DMD: variants seen among roughly 807,000 people sequenced by gnomAD.
DMD encodes dystrophin, also known as mutant dystrophin.
Under a neutral mutation model 330.1 loss-of-function variants are expected in DMD, and 63 were observed. The observed-to-expected ratio is 0.19, with a 90% CI of 0.16 to 0.24. DMD has a LOEUF of 0.24. Ranked by LOEUF, DMD falls within the 10% of genes least tolerant of loss-of-function variation. The probability of loss-of-function intolerance (pLI) is 1.00; values close to 1 mark genes in which losing one functional copy is unlikely to be tolerated. For missense variants in DMD, 3,344 were observed against 2,684.1 expected, an observed-to-expected ratio of 1.25 and a Z score of -5.43; for synonymous variants, 1,223 against 959.8, an observed-to-expected ratio of 1.27 and a Z score of -5.07.
At position 31,262,567 on chromosome X, in the gene DMD, T is replaced by A. The variant is rs989421622; in HGVS notation, c.9225-1551A>T. Among the ~76,000 whole-genome samples, 6 of 112,509 alleles carry A rather than the reference T, an allele frequency of 5.3e-5. No homozygotes were observed. In the Admixed American group the frequency reaches 5.6e-4, roughly 11 times the overall value. On this transcript the variant is annotated intron_variant, in intron 62 of 78. Transcript: ENST00000357033. The stretch of plus-strand genomic sequence containing the variant: ...TGCAAGAAAATGTTCACTTGTGAAG[T>A]GCTGTTTCACTGTCTTCCAAATACG...
intron 7 of DMD, among the ~76,000 whole-genome samples, chrX:32,807,139 AAAAAAAAAAAC>A (rs1569525879): frequency 9.6e-6 from 1 of 104,475 alleles, no homozygotes; most frequent in African/African-American, 3.6e-5. Flanking sequence ...AAAAAAAAAA[AAAAAAAAAAAC>A]ATCAACAAAT....
intron 53 of DMD, among the ~76,000 whole-genome samples, chrX:31,664,338 T>C (rs903843333): frequency 9.0e-6 from 1 of 111,462 alleles, no homozygotes; most frequent in Non-Finnish European, 1.9e-5. Flanking sequence ...CTTATTGCTA[T>C]ATGCCACTCA....
intron 51 of DMD, among the ~76,000 whole-genome samples, chrX:31,737,535 G>A (rs1024637380): frequency 9.0e-6 from 1 of 111,498 alleles, no homozygotes; most frequent in African/African-American, 3.3e-5. Context: ...TGTGAGTAAA[G>A]GAACCTAGCC....
At chrX:32,894,447 T>C (rs2085513732) in intron 2 of DMD, among the ~76,000 whole-genome samples, 3 of 112,692 alleles carry the variant, frequency 2.7e-5, no homozygotes. Context: ...GTGGTAGTGA[T>C]GGCGGCGGTG....
In DMD at chrX:32,192,871, T is replaced by G. The variant is rs73619033; in HGVS notation, c.6438+24045A>C. Among the ~76,000 whole-genome samples, 757 of 112,358 alleles carry G rather than the reference T, an allele frequency of 6.7e-3. 4 individuals are homozygous for G. The highest frequency in any genetic ancestry group is 0.023 in the African/African-American group (722 of 30,952). ...CTGTTACTGTTAACTTTTATTTTTC[T>G]GATTAAACATGGATATCATTTGGAT... On this transcript the variant is annotated intron_variant, in intron 44 of 78. Transcript: ENST00000357033.
chrX:32,671,091 T>C (rs2061605337), intron 9 of DMD, among the ~76,000 whole-genome samples: 1 of 110,987 alleles, frequency 9.0e-6, no homozygotes, highest in African/African-American at 3.3e-5. Flanking sequence ...CAGCTACAAG[T>C]GGGTCGGTAC....
At chrX:33,235,688 G>T (rs191894412) in intron 1 of DMD, among the ~76,000 whole-genome samples, 2 of 109,976 alleles carry the variant, frequency 1.8e-5, no homozygotes, top group African/African-American at 3.3e-5. Context: ...CCTCAAGGTT[G>T]CTCAAGGTCA....
Position 32,816,603 on chromosome X carries a change from T to C in DMD, c.395A>G (p.Gln132Arg), listed in dbSNP as rs751455994. Residue 132 changes from glutamine (Q) to arginine (R), a missense_variant, in exon 6 of 79, where the codon CAA becomes CGA. Coordinates refer to ENST00000357033, the MANE Select transcript of DMD (RefSeq NM_004006.3). ...NVMKNIMAGL[Q>R]QTNSEKILLS... ...GAGAATCTTTTCACTGTTGGTTTGT[T>C]GCAATCCAGCCATGATATTTTTCAT... The C allele has an allele frequency of 3.0e-5, 36 of 1,210,036 alleles. No homozygotes were observed. The highest frequency in any genetic ancestry group is 3.7e-5 in the Non-Finnish European group (33 of 895,122).
In DMD at chrX:32,041,163, A is replaced by G. The variant is rs147456815; in HGVS notation, c.6439-72649T>C. On this transcript the variant is annotated intron_variant, in intron 44 of 78. Transcript: ENST00000357033. ...GATTAATCTTGCATTTCCCGGATGC[A>G]TTTTCCCCAAGTTGGAGTGTAAGCC... Among the ~76,000 whole-genome samples, 287 of 112,478 alleles carry G rather than the reference A, an allele frequency of 2.6e-3. 1 individual carries two copies. The highest frequency in any genetic ancestry group is 8.8e-3 in the African/African-American group (273 of 30,986).
At chrX:31,810,143 G>C (rs183006717) in intron 50 of DMD, among the ~76,000 whole-genome samples, 213 of 111,658 alleles carry the variant, frequency 1.9e-3, no homozygotes, top group African/African-American at 6.4e-3. Context: ...TGTAAACGTA[G>C]GAAAAGGGTA....
chrX:31,760,550 T>C (rs777969162), intron 51 of DMD, among the ~76,000 whole-genome samples: 1 of 112,243 alleles, frequency 8.9e-6, no homozygotes, highest in East Asian at 2.8e-4. Flanking sequence ...TACTGGTTTA[T>C]AGCCTAGGAG....
At chrX:31,329,969 CAAAAAAAAAAAAA>C (rs142353794) in intron 61 of DMD, among the ~76,000 whole-genome samples, 35 of 12,889 alleles carry the variant, frequency 2.7e-3, no homozygotes, top group Non-Finnish European at 4.0e-3. Context: ...GATTCCATCT[CAAAAAAAAAAAAA>C]AAAAAAAAAA....
rs148186668 is a variant in DMD, at chrX:32,163,726, T to G, written c.6438+53190A>C. On this transcript the variant is annotated intron_variant, in intron 44 of 78. Transcript: ENST00000357033. ...CTGGTTTTTATATTGTGCATAGCTA[T>G]GTAAGATGTGAGATCTGAATAAAGC... Among the ~76,000 whole-genome samples the G allele has an allele frequency of 3.4e-3, 376 of 111,634 alleles. 1 individual carries two copies. The highest frequency in any genetic ancestry group is 0.011 in the African/African-American group (346 of 30,722).
intron 43 of DMD, among the ~76,000 whole-genome samples, chrX:32,233,932 G>C (rs755485578): frequency 2.6e-4 from 29 of 110,899 alleles, no homozygotes; most frequent in Non-Finnish European, 3.4e-4. Flanking sequence ...ACCCAGCCCG[G>C]TACAATTTCT....
intron 44 of DMD, among the ~76,000 whole-genome samples, chrX:32,025,355 G>A: frequency 9.0e-6 from 1 of 111,700 alleles, no homozygotes; most frequent in Non-Finnish European, 1.9e-5. Context: ...GCCGCATGCG[G>A]CTTTTGAAAT....
At chrX:31,169,654 G>T (rs2039792938) in intron 73 of DMD, 53 bp from the exon 74 acceptor site, 1 of 1,063,609 alleles carries the variant, frequency 9.4e-7, no homozygotes, top group Admixed American at 2.5e-5. Context: ...TTTTGCTTTG[G>T]GGGTTAGGGA....
At chrX:31,228,211 C>G (rs1227473782) in intron 63 of DMD, among the ~76,000 whole-genome samples, 2 of 98,885 alleles carry the variant, frequency 2.0e-5, no homozygotes, top group Non-Finnish European at 4.0e-5. Context: ...ACATATGTAA[C>G]TAACCTGCAC....
intron 54 of DMD, among the ~76,000 whole-genome samples, chrX:31,640,860 A>T (rs1292279677): frequency 1.8e-5 from 2 of 112,256 alleles, no homozygotes; most frequent in South Asian, 3.7e-4. Flanking sequence ...GGAAAAATGG[A>T]AAGTGACAAG....
At chrX:32,071,365 G>A (rs764648601) in intron 44 of DMD, among the ~76,000 whole-genome samples, 5 of 109,386 alleles carry the variant, frequency 4.6e-5, no homozygotes, top group South Asian at 4.0e-4. Context: ...TCTAACTGGC[G>A]TGAGATGGTA....
Sources: gnomAD v4.1 joint callset for allele counts (sites outside exome capture counted in the v4.1 genomes callset) on GRCh38, gnomAD v4.1.1 for gene constraint, MANE v1.5 for transcripts, NCBI Gene and HGNC (gene_info 2026-07-23, HGNC 2026-07-21) for gene names.